Variants in RALGPS2 observed in about 807,000 individuals in gnomAD.
RALGPS2 encodes the protein Ral GEF with PH domain and SH3 binding motif 2, also known as ras-specific guanine nucleotide-releasing factor RalGPS2.
RALGPS2 carries 43 observed loss-of-function variants against 86.8 expected under a neutral mutation model. The observed-to-expected ratio is 0.50, with a 90% CI of 0.39 to 0.64. The LOEUF is 0.64. Among genes scored for constraint, RALGPS2 ranks in the 30% least tolerant of loss-of-function variants. The probability of loss-of-function intolerance (pLI) is 0.00; values close to 1 mark genes in which losing one functional copy is unlikely to be tolerated. For missense variants in RALGPS2, 536 were observed against 694.6 expected (o/e 0.77, Z 2.57); for synonymous variants, 243 against 231.3 (o/e 1.05, Z -0.46).
chr1:178,727,042 G>T (rs79254270), intron 1 of RALGPS2, among the ~76,000 whole-genome samples: 1 of 152,168 alleles, frequency 6.6e-6, no homozygotes, highest in Non-Finnish European at 1.5e-5. Context: ...AAGCTTTGTA[G>T]GCATGAAGTT....
intron 1 of RALGPS2, among the ~76,000 whole-genome samples, chr1:178,767,830 C>T (rs539701356): frequency 2.6e-5 from 4 of 152,280 alleles, no homozygotes; most frequent in Middle Eastern, 3.4e-3. Flanking sequence ...GCAGGTGCAG[C>T]TTGCCTGGCT....
At chr1:178,823,114 GC>G (rs1340385833) in intron 7 of RALGPS2, among the ~76,000 whole-genome samples, 1 of 152,136 alleles carries the variant, frequency 6.6e-6, no homozygotes, top group Non-Finnish European at 1.5e-5. Context: ...GAGCCATTAC[GC>G]CCAGTCCTAT....
At chr1:178,858,673 A>G (rs1451946880) in intron 8 of RALGPS2, among the ~76,000 whole-genome samples, 3 of 152,252 alleles carry the variant, frequency 2.0e-5, no homozygotes, top group Middle Eastern at 6.8e-3. Context: ...CCATATTAAT[A>G]CCTCTGATTT....
intron 7 of RALGPS2, among the ~76,000 whole-genome samples, chr1:178,824,259 T>A (rs982230557): frequency 6.6e-6 from 1 of 152,084 alleles, no homozygotes; most frequent in Non-Finnish European, 1.5e-5. Context: ...GAGAATGCTT[T>A]TGAGGAATTT....
chr1:178,774,152 A>G (rs1301661008), intron 1 of RALGPS2, among the ~76,000 whole-genome samples: 1 of 151,736 alleles, frequency 6.6e-6, no homozygotes, highest in African/African-American at 2.4e-5. Flanking sequence ...GCTTGTGCCT[A>G]TAATCCCAGC....
intron 2 of RALGPS2, among the ~76,000 whole-genome samples, chr1:178,782,782 C>T (rs954243305): frequency 2.6e-5 from 4 of 152,012 alleles, no homozygotes; most frequent in African/African-American, 9.7e-5. Context: ...CCAAAGACAA[C>T]AGAGGATAAA....
At chr1:178,728,164 A>G (rs1334171045) in intron 1 of RALGPS2, among the ~76,000 whole-genome samples, 1 of 152,136 alleles carries the variant, frequency 6.6e-6, no homozygotes, top group Non-Finnish European at 1.5e-5. Flanking sequence ...TTTGCTGAAA[A>G]TATTCTCTCG....
chr1:178,871,204 G>T (rs576578056), intron 8 of RALGPS2, among the ~76,000 whole-genome samples: 2 of 152,072 alleles, frequency 1.3e-5, no homozygotes, highest in African/African-American at 4.8e-5. Flanking sequence ...CCTTAAATAG[G>T]GGGGTGGGAT....
intron 6 of RALGPS2, among the ~76,000 whole-genome samples, chr1:178,815,942 AT>A: frequency 6.6e-6 from 1 of 152,308 alleles, no homozygotes; most frequent in Admixed American, 6.5e-5. Flanking sequence ...TGCTAAGTAG[AT>A]TTCCAGTGTA....
intron 18 of RALGPS2, among the ~76,000 whole-genome samples, chr1:178,904,466 G>T (rs935745269): frequency 6.6e-6 from 1 of 152,160 alleles, no homozygotes; most frequent in Admixed American, 6.5e-5. Context: ...TTGTCTTCTA[G>T]AATTTTTATA....
At chr1:178,894,140 A>T in intron 16 of RALGPS2, 116 bp downstream of exon 16, 1 of 620,926 alleles carries the variant, frequency 1.6e-6, no homozygotes, top group Non-Finnish European at 2.7e-6. Flanking sequence ...ACTTGAAATA[A>T]TATTAAATAA....
intron 1 of RALGPS2, among the ~76,000 whole-genome samples, chr1:178,739,374 TAAAAC>T (rs1243815043): frequency 5.9e-5 from 9 of 152,216 alleles, no homozygotes; most frequent in Non-Finnish European, 8.8e-5. Flanking sequence ...GTAAATAACA[TAAAAC>T]AATATGTTGT....
intron 6 of RALGPS2, among the ~76,000 whole-genome samples, chr1:178,812,432 T>G (rs2102204650): frequency 6.6e-6 from 1 of 152,288 alleles, no homozygotes; most frequent in African/African-American, 2.4e-5. Flanking sequence ...GAGTTAATCT[T>G]TCCTAGATCT....
intron 8 of RALGPS2, among the ~76,000 whole-genome samples, chr1:178,859,830 C>CCG (rs1553271916): frequency 2.0e-5 from 2 of 98,540 alleles, no homozygotes; most frequent in African/African-American, 7.2e-5. Context: ...GCCCCCCCCC[C>CCG]CCCAACCGCC....
At chr1:178,765,330 A>G (rs1652448321) in intron 1 of RALGPS2, among the ~76,000 whole-genome samples, 1 of 152,046 alleles carries the variant, frequency 6.6e-6, no homozygotes, top group African/African-American at 2.4e-5. Flanking sequence ...AGAAATTTTA[A>G]AGCTGGGTGT....
intron 17 of RALGPS2, among the ~76,000 whole-genome samples, chr1:178,901,852 G>T (rs938655196): frequency 6.6e-6 from 1 of 151,956 alleles, no homozygotes; most frequent in South Asian, 2.1e-4. Context: ...TGCTCTCTGG[G>T]AATAGGGAAT....
intron 6 of RALGPS2, among the ~76,000 whole-genome samples, chr1:178,816,394 A>G (rs1345238985): frequency 6.6e-6 from 1 of 152,090 alleles, no homozygotes; most frequent in East Asian, 1.9e-4. Flanking sequence ...TTGTGATACT[A>G]TCCTTTCAAA....
At chr1:178,898,684 A>T (rs901663189) in intron 17 of RALGPS2, among the ~76,000 whole-genome samples, 1 of 151,792 alleles carries the variant, frequency 6.6e-6, no homozygotes, top group Non-Finnish European at 1.5e-5. Context: ...CCATGGTTTC[A>T]TTTTTTAACT....
Position 178,906,865 on chromosome 1 carries a change from C to G in RALGPS2, c.1720C>G (p.Gln574Glu). Residue 574 changes from glutamine (Q) to glutamate (E), a missense_variant and splice_region_variant, in exon 19 of 20, where the codon CAG becomes GAG. Physicochemically the swap from Gln to Glu is conservative, Grantham distance 29. Around this residue, in one of 3 missense-constraint regions of RALGPS2, gnomAD observed 309 missense variants for 363.0 expected, o/e 0.85. Transcript: ENST00000367635. ...TGCAGCCTGCCAAAGTAACAAACAA[C>G]AGGTAAGCATTTCTCCTAATTCTCA... ...LSAACQSNKQ[Q>E]VPTNLMTFE is the part of the protein sequence containing the mutation. 3 of 1,612,308 alleles carry G rather than the reference C, an allele frequency of 1.9e-6. No individual in the cohort carries two copies. The highest frequency in any genetic ancestry group is 1.7e-6 in the Non-Finnish European group (2 of 1,178,816).
Sources: gnomAD v4.1 joint callset for allele counts (sites outside exome capture counted in the v4.1 genomes callset) on GRCh38, gnomAD v4.1.1 for gene constraint, gnomAD v4.1.1 regional missense constraint, MANE v1.5 for transcripts, NCBI Gene and HGNC (gene_info 2026-07-23, HGNC 2026-07-21) for gene names.